Variants in ATP2C1 observed in about 807,000 individuals in gnomAD.
ATP2C1 encodes the protein calcium-transporting ATPase type 2C member 1.
A neutral mutation model predicts 120.5 loss-of-function variants in ATP2C1; 31 were observed. The ratio of observed to expected loss-of-function variants is 0.26; its 90% CI spans 0.19 to 0.35. ATP2C1 has a LOEUF of 0.35. Among genes scored for constraint, ATP2C1 ranks in the 10% least tolerant of loss-of-function variants. The pLI is 1.00. For missense variants in ATP2C1, 731 were observed against 1,107.5 expected (o/e 0.66, Z 4.83); for synonymous variants, 351 against 358.7 (o/e 0.98, Z 0.24).
chr3:130,975,039 A>G (rs2061481981), intron 17 of ATP2C1, among the ~76,000 whole-genome samples: 1 of 152,140 alleles, frequency 6.6e-6, no homozygotes, highest in African/African-American at 2.4e-5. Context: ...TTTCTCTTCC[A>G]TTTCCTGTTA....
intron 11 of ATP2C1, among the ~76,000 whole-genome samples, chr3:130,957,010 T>C (rs2060612180): frequency 1.3e-5 from 2 of 152,298 alleles, no homozygotes; most frequent in Admixed American, 1.3e-4. Flanking sequence ...ATAAACTTGG[T>C]AAGAGGACAA....
chr3:130,926,495 G>T (rs1241122115), intron 2 of ATP2C1, among the ~76,000 whole-genome samples: 1 of 152,168 alleles, frequency 6.6e-6, no homozygotes, highest in Non-Finnish European at 1.5e-5. Flanking sequence ...TAATATATGG[G>T]ATAACCAGAT....
chr3:130,860,773 C>T (rs1009694851), intron 1 of ATP2C1, among the ~76,000 whole-genome samples: 1 of 152,082 alleles, frequency 6.6e-6, no homozygotes, highest in Non-Finnish European at 1.5e-5. Context: ...TTACTTTTTC[C>T]TTCCTTTTTT....
intron 2 of ATP2C1, among the ~76,000 whole-genome samples, chr3:130,920,828 TTG>T (rs1369960088): frequency 6.6e-6 from 1 of 152,196 alleles, no homozygotes; most frequent in Non-Finnish European, 1.5e-5. Flanking sequence ...TTCTGTTTTT[TTG>T]TGTGTCTTGT....
chr3:130,909,256 G>A (rs2058280159), intron 2 of ATP2C1, among the ~76,000 whole-genome samples: 2 of 152,038 alleles, frequency 1.3e-5, no homozygotes, highest in South Asian at 4.1e-4. Flanking sequence ...TAAGGTGAGG[G>A]GACCAATTTC....
Position 130,930,444 on chromosome 3 carries a change from G to A in ATP2C1, c.35G>A (p.Gly12Asp). 6.2e-7 allele frequency: 1 copy of A among 1,612,942 alleles called. No homozygotes were observed. Among genetic ancestry groups the A allele is most frequent in the Non-Finnish European group, 8.5e-7 (1 of 1,179,102 alleles). The change falls in exon 3 of 28, where the codon GGT becomes GAT. Residue 12 changes from glycine to aspartate, a missense_variant. By Grantham distance (94) the Gly-to-Asp change is moderately conservative. Coordinates refer to ENST00000510168, the MANE Select transcript of ATP2C1 (RefSeq NM_001378687.1). ...GCACGTTTTCAAAAAATACCTAATG[G>A]TGAAAATGAGACAATGATTCCTGTA... ...KVARFQKIPN[G>D]ENETMIPVLT...
intron 2 of ATP2C1, among the ~76,000 whole-genome samples, chr3:130,908,642 G>A (rs556154022): frequency 6.6e-6 from 1 of 152,074 alleles, no homozygotes; most frequent in East Asian, 1.9e-4. Flanking sequence ...TTTGTTTTCT[G>A]AAAAATCATT....
chr3:130,868,149 C>A (rs1037409845), intron 1 of ATP2C1: 3 of 151,014 alleles, frequency 2.0e-5, no homozygotes, highest in African/African-American at 7.4e-5. Context: ...CCCGGCCAGC[C>A]GCCCCGGCCG....
chr3:130,859,204 G>C (rs1385267600), intron 1 of ATP2C1, among the ~76,000 whole-genome samples: 1 of 152,232 alleles, frequency 6.6e-6, no homozygotes, highest in African/African-American at 2.4e-5. Context: ...GTTTTATTTG[G>C]TTAGTGGTAA....
intron 1 of ATP2C1, among the ~76,000 whole-genome samples, chr3:130,887,238 C>T (rs955392708): frequency 6.6e-6 from 1 of 152,188 alleles, no homozygotes; most frequent in South Asian, 2.1e-4. Context: ...CATACTACCC[C>T]CCTGGCCCTC....
chr3:130,989,565 C>CAAAA (rs56991562), intron 20 of ATP2C1, among the ~76,000 whole-genome samples: 4 of 114,542 alleles, frequency 3.5e-5, no homozygotes, highest in East Asian at 5.2e-4. Context: ...AACTCCATCT[C>CAAAA]AAAAAAAAAA....
In ATP2C1 at chr3:130,883,121, T is replaced by C. The variant is rs1213890745; in HGVS notation, c.108+32193T>C. Among the ~76,000 whole-genome samples, 5 of 152,238 alleles carry C rather than the reference T, an allele frequency of 3.3e-5. No individual in the cohort carries two copies. In the East Asian group the frequency reaches 9.6e-4, roughly 29 times the overall value. ...TACCCATTTCTTCTAAATTTTCCAA[T>C]TTATTAGCATATGGTTGATGATACT... On this transcript the variant is annotated intron_variant, in intron 1 of 26. Transcript: ENST00000504381.
At chr3:130,986,729 A>G (rs1239127873) in intron 20 of ATP2C1, among the ~76,000 whole-genome samples, 1 of 152,096 alleles carries the variant, frequency 6.6e-6, no homozygotes, top group East Asian at 1.9e-4. Context: ...TTTTCTCCAA[A>G]TATTATTAGA....
At chr3:130,977,479 T>C (rs2061576217) in intron 18 of ATP2C1, among the ~76,000 whole-genome samples, 1 of 152,160 alleles carries the variant, frequency 6.6e-6, no homozygotes, top group Non-Finnish European at 1.5e-5. Flanking sequence ...TTGCTACTCT[T>C]AGCAGCACAT....
chr3:130,884,058 C>T (rs550333633), intron 1 of ATP2C1, among the ~76,000 whole-genome samples: 125 of 151,432 alleles, frequency 8.3e-4, no homozygotes, highest in Non-Finnish European at 1.6e-3. Flanking sequence ...TCTCCCACCT[C>T]AGCCTCCCGA....
At chr3:131,006,182 G>C (rs902910827), downstream of ATP2C1, among the ~76,000 whole-genome samples, 1 of 152,196 alleles carries the variant, frequency 6.6e-6, no homozygotes, top group Non-Finnish European at 1.5e-5. Flanking sequence ...TGCGATCTTG[G>C]CTCACTGCAA....
At chr3:130,965,161 G>T (rs1359136394) in intron 14 of ATP2C1, 116 bp downstream of exon 14, 53 of 723,914 alleles carry the variant, frequency 7.3e-5, no homozygotes, top group Non-Finnish European at 8.3e-5. Context: ...ATTAGTAGTG[G>T]AGTTATTTTC....
chr3:131,006,388 G>A (rs1040841522), downstream of ATP2C1, among the ~76,000 whole-genome samples: 7 of 151,996 alleles, frequency 4.6e-5, no homozygotes, highest in Admixed American at 2.0e-4. Context: ...CTGGGATTAC[G>A]GGCATGAGCC....
At position 130,996,033 on chromosome 3, in the gene ATP2C1, T is replaced by TA; in HGVS notation, c.2058-7dup. The stretch of plus-strand genomic sequence containing the variant: ...ATTTTCTCACTTCATCTTTATTTTT[T>TA]AAATTTCAGGTCTGCAATCGAAGAG... On this transcript the variant is annotated splice_polypyrimidine_tract_variant and intron_variant, in intron 22 of 27. Transcript: ENST00000510168. 6.5e-7 allele frequency: 1 copy of TA among 1,527,840 alleles called. No individual in the cohort carries two copies. The highest frequency in any genetic ancestry group is 9.1e-7 in the Non-Finnish European group (1 of 1,102,792). The allele number at this position is 1,527,840 out of a possible 1,614,324, so 94.6% of individuals were successfully genotyped here.
Sources: allele counts gnomAD v4.1 joint callset (sites outside exome capture counted in the v4.1 genomes callset), GRCh38; gene constraint gnomAD v4.1.1; transcripts MANE v1.5; gene names NCBI Gene and HGNC (gene_info 2026-07-23, HGNC 2026-07-21).